Variants in SORCS1 observed in about 807,000 individuals in gnomAD.
SORCS1 encodes the protein VPS10 domain-containing receptor SorCS1.
In SORCS1, 60 loss-of-function variants were observed where a neutral mutation model predicts 146.1. The ratio of observed to expected loss-of-function variants is 0.41; its 90% CI spans 0.33 to 0.51. The LOEUF (loss-of-function observed/expected upper bound fraction) is 0.51. Among genes scored for constraint, SORCS1 ranks in the 20% least tolerant of loss-of-function variants. SORCS1 has a pLI of 0.21. For synonymous variants in SORCS1, 637 were observed against 584.0 expected (o/e 1.09, Z -1.31); for missense variants, 1,352 against 1,487.6 (o/e 0.91, Z 1.50).
rs557231479 is a variant in SORCS1, at chr10:106,920,347, C to G, written c.626+36166G>C. Among the ~76,000 whole-genome samples the G allele has an allele frequency of 9.2e-5, 14 of 152,330 alleles. No homozygotes were observed. In the South Asian group the frequency reaches 1.7e-3, roughly 18 times the overall value. On this transcript the variant is annotated intron_variant, in intron 2 of 25. Coordinates refer to ENST00000263054, the MANE Select transcript of SORCS1 (RefSeq NM_052918.5). ...TCTCCCTTGCTCCTGGATACAAACT[C>G]TGGCAGGCCCCCGGGCTTTCTATTT... is the stretch of plus-strand genomic sequence containing the variant.
chr10:106,762,386 C>CTTTTTTTTTTTTTTTTTTTTTTTT (rs869195563), intron 4 of SORCS1, among the ~76,000 whole-genome samples: 2 of 73,828 alleles, frequency 2.7e-5, no homozygotes, highest in African/African-American at 5.8e-5. Context: ...TTTTATTATT[C>CTTTTTTTTTTTTTTTTTTTTTTTT]TTTTTTTTTT....
chr10:106,885,959 A>G (rs1404652007), intron 2 of SORCS1, among the ~76,000 whole-genome samples: 1 of 152,060 alleles, frequency 6.6e-6, no homozygotes, highest in African/African-American at 2.4e-5. Flanking sequence ...TGCAACTGTG[A>G]GTCCATTAAA....
intron 16 of SORCS1, 22 bp downstream of exon 16, chr10:106,671,215 G>A (rs1851574224): frequency 6.2e-7 from 1 of 1,613,776 alleles, no homozygotes; most frequent in Non-Finnish European, 8.5e-7. Context: ...AATGGCTCCA[G>A]GAGATAATTG....
chr10:106,600,381 G>A (rs1015807084), intron 23 of SORCS1: 9 of 976,846 alleles, frequency 9.2e-6, no homozygotes, highest in Non-Finnish European at 9.7e-6. Flanking sequence ...ATTCAACAAT[G>A]AACACATGCT....
chr10:107,111,870 A>G (rs1403079504), intron 1 of SORCS1, among the ~76,000 whole-genome samples: 1 of 152,222 alleles, frequency 6.6e-6, no homozygotes, highest in Admixed American at 6.5e-5. Flanking sequence ...CATAAGGTTA[A>G]CAGCAGACAT....
At chr10:106,741,164 C>CA (rs1857332899) in intron 5 of SORCS1, among the ~76,000 whole-genome samples, 3 of 152,110 alleles carry the variant, frequency 2.0e-5, no homozygotes, top group Admixed American at 2.0e-4. Flanking sequence ...TCATACCACT[C>CA]AGAGTGTATC....
intron 2 of SORCS1, among the ~76,000 whole-genome samples, chr10:106,922,157 T>C: frequency 6.6e-6 from 1 of 152,246 alleles, no homozygotes; most frequent in East Asian, 1.9e-4. Flanking sequence ...ATGAAAGGGA[T>C]AAGTTTCTTT....
intron 18 of SORCS1, among the ~76,000 whole-genome samples, chr10:106,630,445 G>A (rs11192982): frequency 0.072 from 10,985 of 152,004 alleles, 481 homozygotes; most frequent in East Asian, 0.2. Context: ...AGTAAGTGGC[G>A]GTCCTGGTAT....
chr10:106,629,371 T>G lies in SORCS1; in HGVS notation c.2493A>C (p.Thr831=). 6.2e-7 allele frequency: 1 copy of G among 1,614,034 alleles called. No homozygotes were observed. Among genetic ancestry groups the G allele is most frequent in the Non-Finnish European group, 8.5e-7 (1 of 1,179,960 alleles). Residue 831 remains threonine, a synonymous_variant, in exon 19 of 26, where the codon ACA becomes ACC. Coordinates refer to ENST00000263054, the MANE Select transcript of SORCS1 (RefSeq NM_052918.5). Reference sequence around the variant, plus strand: ...CATCGCCAAAGTCCACTTGGATGAGTGTCCGCTGAACATCACCCTGAAAAA... The same window carrying G: ...CATCGCCAAAGTCCACTTGGATGAGGGTCCGCTGAACATCACCCTGAAAAA... ...VQLEEGDVQR[T]LIQVDFGDGI... is the part of the protein sequence containing the mutation.
At chr10:106,922,415 A>G (rs966609731) in intron 2 of SORCS1, among the ~76,000 whole-genome samples, 26 of 152,348 alleles carry the variant, frequency 1.7e-4, no homozygotes, top group Admixed American at 2.0e-4. Flanking sequence ...ACAATAAACA[A>G]ACAACACAAA....
intron 1 of SORCS1, among the ~76,000 whole-genome samples, chr10:107,005,177 A>G (rs1957386423): frequency 6.6e-6 from 1 of 152,246 alleles, no homozygotes; most frequent in South Asian, 2.1e-4. Context: ...ATGAAAAGCC[A>G]AGAGAGGCTT....
intron 2 of SORCS1, among the ~76,000 whole-genome samples, chr10:106,886,521 G>A (rs1951011381): frequency 6.6e-6 from 1 of 152,136 alleles, no homozygotes; most frequent in Non-Finnish European, 1.5e-5. Context: ...AGATTATAGA[G>A]GAGGCTGTCT....
chr10:107,090,422 T>A (rs979270623), intron 1 of SORCS1, among the ~76,000 whole-genome samples: 1 of 152,224 alleles, frequency 6.6e-6, no homozygotes, highest in African/African-American at 2.4e-5. Flanking sequence ...CAGAGGAGTT[T>A]GGACTTGTAA....
intron 1 of SORCS1, among the ~76,000 whole-genome samples, chr10:107,145,993 A>G (rs1413501303): frequency 6.6e-6 from 1 of 152,194 alleles, no homozygotes; most frequent in Non-Finnish European, 1.5e-5. Context: ...TTGTTTAATC[A>G]TACCACTGGG....
intron 2 of SORCS1, among the ~76,000 whole-genome samples, chr10:106,891,087 C>T (rs1317627472): frequency 6.6e-6 from 1 of 152,134 alleles, no homozygotes; most frequent in Non-Finnish European, 1.5e-5. Context: ...AACCCCCAGG[C>T]CTTCAGGAAC....
chr10:106,692,082 C>T (rs1243584183), intron 9 of SORCS1, among the ~76,000 whole-genome samples: 1 of 152,154 alleles, frequency 6.6e-6, no homozygotes, highest in Non-Finnish European at 1.5e-5. Context: ...CTCTCTGGCA[C>T]CTAAGCTGGA....
the SORCS1 span, among the ~76,000 whole-genome samples, chr10:107,179,260 C>A: frequency 6.6e-6 from 1 of 152,032 alleles, no homozygotes; most frequent in African/African-American, 2.4e-5. Context: ...TTTGAATGTC[C>A]TAAAAGAATT....
intron 6 of SORCS1, 146 bp downstream of exon 6, chr10:106,729,904 G>T: frequency 1.2e-6 from 1 of 858,278 alleles, no homozygotes. Flanking sequence ...AAAAGAAGCA[G>T]GTCACCCCTG....
At chr10:106,617,794 TAAAAA>T (rs10577215) in intron 21 of SORCS1, among the ~76,000 whole-genome samples, 38,219 of 151,668 alleles carry the variant, frequency 0.25, 5,824 homozygotes, top group East Asian at 0.52. Context: ...AAGTTGAACT[TAAAAA>T]AAAGAGATTC....
Sources: gnomAD v4.1 joint callset for allele counts (sites outside exome capture counted in the v4.1 genomes callset) on GRCh38, gnomAD v4.1.1 for gene constraint, MANE v1.5 for transcripts, NCBI Gene and HGNC (gene_info 2026-07-23, HGNC 2026-07-21) for gene names.